Variants in DTWD2 observed in about 807,000 individuals in gnomAD.
DTWD2 encodes DTW motif tRNA-uridine aminocarboxypropyltransferase 2.
A neutral mutation model predicts 31.8 loss-of-function variants in DTWD2; 39 were observed. The observed-to-expected ratio is 1.22, with a 90% confidence interval of 0.95 to 1.60. The LOEUF (loss-of-function observed/expected upper bound fraction) is 1.60, where lower values mean the gene tolerates loss of function less well. Among genes scored for constraint, DTWD2 ranks in the 40% most tolerant of loss-of-function variants. The pLI is 0.00. For synonymous variants in DTWD2, 180 were observed against 142.8 expected (o/e 1.26, Z -1.86); for missense variants, 515 against 381.5 (o/e 1.35, Z -2.92).
At chr5:118,862,511 T>G (rs1752285349) in intron 4 of DTWD2, among the ~76,000 whole-genome samples, 1 of 152,210 alleles carries the variant, frequency 6.6e-6, no homozygotes, top group African/African-American at 2.4e-5. Flanking sequence ...AGGTCTTTAG[T>G]GTGATTTAAA....
intron 1 of DTWD2, among the ~76,000 whole-genome samples, chr5:118,972,449 C>A (rs985823058): frequency 2.6e-5 from 4 of 152,130 alleles, no homozygotes; most frequent in Non-Finnish European, 4.4e-5. Flanking sequence ...AATAGACCAA[C>A]AATGAGTTCT....
intron 1 of DTWD2, chr5:118,973,835 A>C (rs1755058708): frequency 6.2e-7 from 1 of 1,612,332 alleles, no homozygotes; most frequent in Non-Finnish European, 8.5e-7. Context: ...CGAAATCACC[A>C]CCAAGGACTT....
chr5:118,874,122 C>A (rs1489739763), intron 4 of DTWD2, among the ~76,000 whole-genome samples: 2 of 152,198 alleles, frequency 1.3e-5, no homozygotes, highest in Non-Finnish European at 2.9e-5. Context: ...AGAAACAAAA[C>A]CAGTCGACTG....
intron 4 of DTWD2, among the ~76,000 whole-genome samples, chr5:118,897,518 A>C (rs1409775714): frequency 6.6e-6 from 1 of 152,234 alleles, no homozygotes; most frequent in East Asian, 1.9e-4. Flanking sequence ...GTATCAGTGC[A>C]GGAAATTTTA....
chr5:118,987,956 TA>T (rs1248849454), intron 1 of DTWD2, among the ~76,000 whole-genome samples: 15 of 152,354 alleles, frequency 9.8e-5, no homozygotes, highest in African/African-American at 3.6e-4. Flanking sequence ...CTATGCCACT[TA>T]AATATGACTG....
rs1751662903 is a variant in DTWD2 at position 118,839,660 on chromosome 5, C to T, written c.*1257G>A. ...TACAGGTGTGAGCTAATGGGCCCAG[C>T]CCTAATTTGTTTTTAAATCCAAAAA... On this transcript the variant is annotated 3_prime_UTR_variant, in exon 6 of 6. Coordinates refer to ENST00000510708, the MANE Select transcript of DTWD2 (RefSeq NM_173666.4). 1 of 152,080 alleles carries T rather than the reference C, an allele frequency of 6.6e-6. No individual in the cohort carries two copies. 9.4% of individuals were successfully genotyped at this position (152,080 alleles called of 1,614,324 possible). A position where few individuals can be genotyped will look rare whatever the true frequency, so the allele number is the denominator to read the frequency against.
intron 5 of DTWD2, among the ~76,000 whole-genome samples, chr5:118,844,257 G>C (rs1358437931): frequency 2.0e-5 from 3 of 152,222 alleles, no homozygotes; most frequent in African/African-American, 7.2e-5. Flanking sequence ...ATATTGGGTA[G>C]AGCCAAAACA....
chr5:118,857,797 A>G (rs1202752852), intron 4 of DTWD2, among the ~76,000 whole-genome samples: 1 of 152,222 alleles, frequency 6.6e-6, no homozygotes. Flanking sequence ...TGATTCACAC[A>G]GTATTGAGTG....
intron 5 of DTWD2, among the ~76,000 whole-genome samples, chr5:118,844,250 T>C (rs539686504): frequency 1.3e-5 from 2 of 152,346 alleles, no homozygotes; most frequent in East Asian, 3.9e-4. Flanking sequence ...ACTGCAGATA[T>C]TGGGTAGAGC....
chr5:118,900,899 T>C (rs1580795549), intron 4 of DTWD2, among the ~76,000 whole-genome samples: 3 of 147,094 alleles, frequency 2.0e-5, no homozygotes, highest in Non-Finnish European at 4.5e-5. Context: ...CCCTCCAGCC[T>C]GGGCAACAGA....
chr5:118,853,345 T>TAG (rs1474593482), intron 4 of DTWD2, among the ~76,000 whole-genome samples: 1 of 152,184 alleles, frequency 6.6e-6, no homozygotes, highest in East Asian at 1.9e-4. Context: ...TTTAGAGATT[T>TAG]CTCAAAGAAA....
At chr5:118,973,848 A>G (rs952202586) in intron 1 of DTWD2, 1 of 1,612,278 alleles carries the variant, frequency 6.2e-7, no homozygotes, top group Non-Finnish European at 8.5e-7. Flanking sequence ...AAGGACTTAC[A>G]GGAGAAGAAG....
chr5:118,957,633 G>A (rs2149591526), intron 1 of DTWD2, among the ~76,000 whole-genome samples: 1 of 152,012 alleles, frequency 6.6e-6, no homozygotes, highest in East Asian at 1.9e-4. Flanking sequence ...TTTGCGAATT[G>A]GGCAGCCTCC....
At chr5:118,850,767 T>C (rs192385943) in intron 4 of DTWD2, among the ~76,000 whole-genome samples, 2 of 152,150 alleles carry the variant, frequency 1.3e-5, no homozygotes, top group East Asian at 1.9e-4. Context: ...AAACTATGCA[T>C]CCAACAAAGC....
intron 4 of DTWD2, among the ~76,000 whole-genome samples, chr5:118,918,830 A>G (rs536043697): frequency 6.8e-6 from 1 of 147,326 alleles, no homozygotes; most frequent in East Asian, 2.0e-4. Context: ...TCTACCAGGA[A>G]AAAAAAAAAA....
At chr5:118,913,258 T>G (rs1376786006) in intron 4 of DTWD2, among the ~76,000 whole-genome samples, 1 of 151,906 alleles carries the variant, frequency 6.6e-6, no homozygotes, top group African/African-American at 2.4e-5. Context: ...TACTCCAACC[T>G]GGAGCTCCTT....
At chr5:118,974,639 T>G (rs768472884) in intron 1 of DTWD2, 1 of 506,442 alleles carries the variant, frequency 2.0e-6, no homozygotes, top group South Asian at 1.5e-5. Context: ...AGCTGTACTA[T>G]AAGTAGTTGG....
intron 1 of DTWD2, among the ~76,000 whole-genome samples, chr5:118,949,592 T>C (rs1227731568): frequency 2.6e-5 from 4 of 152,016 alleles, no homozygotes. Flanking sequence ...AGCAAGTGAG[T>C]GATAACAGGC....
chr5:118,889,602 T>C (rs951703983), intron 4 of DTWD2, among the ~76,000 whole-genome samples: 1 of 152,148 alleles, frequency 6.6e-6, no homozygotes, highest in African/African-American at 2.4e-5. Flanking sequence ...ATATAGGTTG[T>C]CTCTAAGAAG....
Sources: allele counts gnomAD v4.1 joint callset (sites outside exome capture counted in the v4.1 genomes callset), GRCh38; gene constraint gnomAD v4.1.1; transcripts MANE v1.5; gene names NCBI Gene and HGNC (gene_info 2026-07-23, HGNC 2026-07-21).